ICAM2: variants seen among roughly 807,000 people sequenced by gnomAD.
ICAM2 encodes intercellular adhesion molecule 2, also known as ICAM-2.
ICAM2 carries 14 observed loss-of-function variants against 19.1 expected under a neutral mutation model. The observed-to-expected ratio is 0.73, with a 90% CI of 0.48 to 1.15. The LOEUF is 1.15. ICAM2 is among the 50% of genes most tolerant of loss of function. The pLI, the probability that ICAM2 is intolerant of heterozygous loss-of-function variation, is 0.00. For synonymous variants in ICAM2, 153 were observed against 152.7 expected (o/e 1.00, Z -0.01); for missense variants, 311 against 355.4 (o/e 0.88, Z 1.00).
intron 1 of ICAM2, among the ~76,000 whole-genome samples, chr17:64,018,158 C>A (rs1911788310): frequency 6.6e-6 from 1 of 151,574 alleles, no homozygotes; most frequent in African/African-American, 2.4e-5. Context: ...ATGGTGAAAC[C>A]CCATCGCTAC....
rs1394202625 is a variant in ICAM2 at position 64,005,560 on chromosome 17, C to G, written c.62-187G>C. ...GCTAGACCAGGAGGCCACCCCCCAG[C>G]TGGCTCCCTGCCTCTGGCTGTCCTT... On this transcript the variant is annotated intron_variant, in intron 2 of 4. Coordinates refer to ENST00000579788, the MANE Select transcript of ICAM2 (RefSeq NM_001099789.2). 1.3e-5 allele frequency among the ~76,000 whole-genome samples: 2 copies of G among 152,166 alleles called. 1 individual carries two copies. Among genetic ancestry groups the G allele is most frequent in the Admixed American group, 1.3e-4 (2 of 15,276 alleles).
intron 2 of ICAM2, chr17:64,006,339 C>A: frequency 3.1e-6 from 1 of 327,792 alleles, no homozygotes. Context: ...GCCATCTCTA[C>A]AAAAAATACA....
chr17:64,014,380 G>GAAAGAAAGAAAGA (rs375928178), intron 1 of ICAM2, among the ~76,000 whole-genome samples: 4 of 15,604 alleles, frequency 2.6e-4, no homozygotes, highest in African/African-American at 7.5e-4. Flanking sequence ...AGAAAGAAAG[G>GAAAGAAAGAAAGA]AAGGAAGGAA....
At position 64,020,588 on chromosome 17, in the gene ICAM2, G is replaced by A. The variant is rs1598030880; in HGVS notation, c.-110C>T. The A allele has an allele frequency of 6.6e-6, 1 of 152,074 alleles. No homozygotes were observed. Among genetic ancestry groups the A allele is most frequent in the Non-Finnish European group, 1.5e-5 (1 of 68,054 alleles). The allele number at this position is 152,074 out of a possible 1,614,324, so 9.4% of individuals were successfully genotyped here. ...AGGAAATTGGTGACAAGGTGACAAG[G>A]TGCGCGTGTCACAGCTGCCCAGTTC... On this transcript the variant is annotated 5_prime_UTR_variant, in exon 1 of 5. Coordinates refer to ENST00000579788, the MANE Select transcript of ICAM2 (RefSeq NM_001099789.2).
chr17:64,011,603 T>G (rs912375657), intron 1 of ICAM2, among the ~76,000 whole-genome samples: 1 of 152,032 alleles, frequency 6.6e-6, no homozygotes, highest in Non-Finnish European at 1.5e-5. Flanking sequence ...AGACAAGAGA[T>G]AAGTGTTGAT....
At position 64,006,754 on chromosome 17, in the gene ICAM2, C is replaced by T. The variant is rs1283063101; in HGVS notation, c.-44-19G>A. 25 of 1,483,318 alleles carry T rather than the reference C, an allele frequency of 1.7e-5. No homozygotes were observed. The highest frequency in any genetic ancestry group is 3.5e-4 in the Middle Eastern group (2 of 5,786). The allele number at this position is 1,483,318 out of a possible 1,614,324, so 91.9% of individuals were successfully genotyped here. A position where few individuals can be genotyped will look rare whatever the true frequency, so the allele number is the denominator to read the frequency against. Reference sequence around the variant, plus strand: ...GGGCTGCCTGGAGGGAGATGGTGGGCGCAGGTCTGAGCTATGGCCCAGAAT... The same window carrying T: ...GGGCTGCCTGGAGGGAGATGGTGGGTGCAGGTCTGAGCTATGGCCCAGAAT... On this transcript the variant is annotated intron_variant, in intron 1 of 4. Transcript: ENST00000579788.
rs531338420 is a variant in ICAM2, at chr17:64,004,976, C to T, written c.328+131G>A. 54 of 1,072,754 alleles carry T rather than the reference C, an allele frequency of 5.0e-5. No individual in the cohort carries two copies. In the African/African-American group the frequency reaches 7.8e-4, roughly 15 times the overall value. 66.5% of individuals were successfully genotyped at this position (1,072,754 alleles called of 1,614,324 possible). On this transcript the variant is annotated intron_variant, in intron 3 of 4. Transcript: ENST00000579788. ...CTGGCCTGGTCCTGCCCCTTGTCAC[C>T]CCAGGAGCTCAGGGAGGCAGGGCCC...
intron 1 of ICAM2, among the ~76,000 whole-genome samples, chr17:64,017,252 T>G (rs1911751842): frequency 6.6e-6 from 1 of 152,176 alleles, no homozygotes; most frequent in African/African-American, 2.4e-5. Context: ...TAATAAGAGA[T>G]TTTAGCAAGG....
chr17:64,002,733 G>A lies in ICAM2; in HGVS notation c.*14C>T. The A allele has an allele frequency of 1.9e-6, 3 of 1,607,158 alleles. No homozygotes were observed. The South Asian group carries it at 3.3e-5, about 18-fold the overall frequency. Reference sequence around the variant, plus strand: ...CAGTGACCACCGTGGTGGTGGCCATGCCACTCATGGTTGCTATGGCCGGAA... The same window carrying A: ...CAGTGACCACCGTGGTGGTGGCCATACCACTCATGGTTGCTATGGCCGGAA... On this transcript the variant is annotated 3_prime_UTR_variant, in exon 5 of 5. Transcript: ENST00000579788.
intron 1 of ICAM2, among the ~76,000 whole-genome samples, chr17:64,014,726 A>G (rs9896377): frequency 2.6e-3 from 33 of 12,880 alleles, no homozygotes; most frequent in Admixed American, 4.1e-3. Context: ...AGGAAGGAAG[A>G]AAGAAAGAAA....
rs1477506062 is a variant in ICAM2 at position 64,002,625 on chromosome 17, A to T, written c.*122T>A. ...CCAGGTGTTTGTATTCGGGCTAGAA[A>T]AGGCAATGTCCCAAGTCTCTGCTGC... On this transcript the variant is annotated 3_prime_UTR_variant, in exon 5 of 5. Transcript: ENST00000579788. 3.5e-6 allele frequency: 3 copies of T among 853,480 alleles called. No individual in the cohort carries two copies. The highest frequency in any genetic ancestry group is 3.6e-6 in the Non-Finnish European group (2 of 555,368). The allele number at this position is 853,480 out of a possible 1,614,324, so 52.9% of individuals were successfully genotyped here. A position where few individuals can be genotyped will look rare whatever the true frequency, so the allele number is the denominator to read the frequency against.
chr17:64,005,552 C>T (rs920713433), intron 2 of ICAM2, among the ~76,000 whole-genome samples, 179 bp from the exon 3 acceptor site: 7 of 152,072 alleles, frequency 4.6e-5, no homozygotes, highest in Non-Finnish European at 1.0e-4. Flanking sequence ...CAGGAGGCCA[C>T]CCCCCAGCTG....
chr17:64,014,725 GAAA>G (rs1344388555), intron 1 of ICAM2, among the ~76,000 whole-genome samples: 9 of 13,080 alleles, frequency 6.9e-4, no homozygotes, highest in African/African-American at 7.7e-4. Flanking sequence ...AAGGAAGGAA[GAAA>G]GAAAGAAAGA....
At position 64,003,868 on chromosome 17, in the gene ICAM2, A is replaced by C; in HGVS notation, c.425T>G (p.Leu142Arg). ...GAACAGGAAGAGGGTGAGGCTGTCC[A>C]GGGGCTCCACGGTGGGCACCCTGCA... ...IECRVPTVEP[L>R]DSLTLFLFRG... Residue 142 changes from leucine to arginine, a missense_variant, in exon 4 of 5, where the codon CTG becomes CGG. Physicochemically the swap from Leu to Arg is moderately radical, Grantham distance 102 (BLOSUM62 -2). Transcript: ENST00000579788. 6.2e-7 allele frequency: 1 copy of C among 1,614,248 alleles called. No homozygotes were observed. The highest frequency in any genetic ancestry group is 8.5e-7 in the Non-Finnish European group (1 of 1,180,034).
chr17:64,013,143 C>T (rs181332450), intron 1 of ICAM2, among the ~76,000 whole-genome samples: 1 of 152,154 alleles, frequency 6.6e-6, no homozygotes, highest in East Asian at 1.9e-4. Flanking sequence ...TGAAACCACT[C>T]TCTACTAAAA....
chr17:64,003,004 C>A, intron 4 of ICAM2, 79 bp from the exon 5 acceptor site: 2 of 1,403,276 alleles, frequency 1.4e-6, no homozygotes, highest in East Asian at 2.4e-5. Flanking sequence ...GAAGTCCACC[C>A]CCAACCCAGA....
At chr17:64,007,424 A>G (rs1053136433) in intron 1 of ICAM2, among the ~76,000 whole-genome samples, 1 of 151,798 alleles carries the variant, frequency 6.6e-6, no homozygotes, top group Non-Finnish European at 1.5e-5. Flanking sequence ...CACCACACCC[A>G]GCTAATTTTG....
intron 3 of ICAM2, chr17:64,004,722 C>G (rs1286810783): frequency 3.1e-6 from 1 of 327,250 alleles, no homozygotes; most frequent in Non-Finnish European, 5.9e-6. Flanking sequence ...GATAAAAACC[C>G]TGGGCGACAC....
intron 1 of ICAM2, among the ~76,000 whole-genome samples, chr17:64,017,929 T>G (rs567560307): frequency 6.6e-6 from 1 of 152,298 alleles, no homozygotes; most frequent in East Asian, 1.9e-4. Context: ...CCATTTAGAT[T>G]AAGGATTTAT....
Sources: gnomAD v4.1 joint callset for allele counts (sites outside exome capture counted in the v4.1 genomes callset) on GRCh38, gnomAD v4.1.1 for gene constraint, MANE v1.5 for transcripts, NCBI Gene and HGNC (gene_info 2026-07-23, HGNC 2026-07-21) for gene names.